MMACHC: variants seen among roughly 807,000 people sequenced by gnomAD.
The protein encoded by MMACHC is cyanocobalamin reductase / alkylcobalamin dealkylase.
Under a neutral mutation model 17.6 loss-of-function variants are expected in MMACHC, and 14 were observed. The ratio of observed to expected loss-of-function variants is 0.80; its 90% CI spans 0.53 to 1.25. The LOEUF (loss-of-function observed/expected upper bound fraction) is 1.25, where lower values mean the gene tolerates loss of function less well. Ranked by LOEUF, MMACHC falls within the 50% of genes most tolerant of loss-of-function variation. The probability of loss-of-function intolerance (pLI) is 0.00; values close to 1 mark genes in which losing one functional copy is unlikely to be tolerated. For synonymous variants in MMACHC, 151 were observed against 142.1 expected, an observed-to-expected ratio of 1.06 and a Z score of -0.45; for missense variants, 392 against 364.5, an observed-to-expected ratio of 1.08 and a Z score of -0.62.
At position 45,508,992 on chromosome 1, in the gene MMACHC, T is replaced by C. The variant is rs376653350; in HGVS notation, c.626T>C (p.Val209Ala). 1 of 1,614,212 alleles carries C rather than the reference T, an allele frequency of 6.2e-7. No homozygotes were observed. Among genetic ancestry groups the C allele is most frequent in the Non-Finnish European group, 8.5e-7 (1 of 1,180,030 alleles). The change falls in exon 4 of 4, where the codon GTG (valine) becomes GCG (alanine). Residue 209 changes from valine to alanine, a missense_variant. By Grantham distance (64) the Val-to-Ala change is moderately conservative. Coordinates refer to ENST00000401061, the MANE Select transcript of MMACHC (RefSeq NM_015506.3). ...HWRDWTYRDAVTPQERYSEEQ... is the reference protein window; with the variant it reads ...HWRDWTYRDAATPQERYSEEQ... ...CGTGATTGGACTTACCGGGATGCTG[T>C]GACACCCCAGGAGCGCTACTCAGAA...
rs1376537850 is a variant in MMACHC at position 45,510,955 on chromosome 1, TCTC to T, written c.*1744_*1746del. The T allele has an allele frequency of 3.1e-5, 5 of 163,822 alleles. No individual in the cohort carries two copies. Among genetic ancestry groups the T allele is most frequent in the Non-Finnish European group, 5.3e-5 (4 of 75,994 alleles). The allele number at this position is 163,822 out of a possible 1,614,324, so 10.1% of individuals were successfully genotyped here. ...TATAATTCCCTGATTTGGAGGCAGC[TCTC>T]CTCATTTTCCCCAAAACAGGGAAAG... On this transcript the variant is annotated 3_prime_UTR_variant, in exon 4 of 4. Coordinates refer to ENST00000401061, the MANE Select transcript of MMACHC (RefSeq NM_015506.3).
chr1:45,511,581 A>G lies in MMACHC; in HGVS notation c.*2366A>G. Reference sequence around the variant, plus strand: ...TTTAGTATGAGCTAACCATTTTACAAACATATAATCATCACCACAGCCTTA... The same window carrying G: ...TTTAGTATGAGCTAACCATTTTACAGACATATAATCATCACCACAGCCTTA... On this transcript the variant is annotated 3_prime_UTR_variant, in exon 4 of 4. Coordinates refer to ENST00000401061, the MANE Select transcript of MMACHC (RefSeq NM_015506.3). The G allele has an allele frequency of 2.2e-6, 1 of 451,134 alleles. No homozygotes were observed. Among genetic ancestry groups the G allele is most frequent in the East Asian group, 3.4e-5 (1 of 29,828 alleles). 27.9% of individuals were successfully genotyped at this position (451,134 alleles called of 1,614,324 possible).
Position 45,508,868 on chromosome 1 carries a change from G to A in MMACHC, c.502G>A (p.Gly168Arg), listed in dbSNP as rs764448435. The change falls in exon 4 of 4, where the codon GGG becomes AGG. Residue 168 changes from glycine (G) to arginine (R), a missense_variant. Gly to Arg is a moderately radical substitution (Grantham distance 125, BLOSUM62 -2). Coordinates refer to ENST00000401061, the MANE Select transcript of MMACHC (RefSeq NM_015506.3). The part of the protein sequence containing the change: ...FAIRGVVLLP[G>R]IEVPDLPPRK... ...CATCCGAGGGGTAGTGCTGCTGCCA[G>A]GGATAGAGGTGCCAGATCTGCCACC... 8 of 1,614,208 alleles carry A rather than the reference G, an allele frequency of 5.0e-6. No homozygotes were observed. Among genetic ancestry groups the A allele is most frequent in the Non-Finnish European group, 5.9e-6 (7 of 1,180,032 alleles).
At position 45,501,341 on chromosome 1, in the gene MMACHC, A is replaced by G. The variant is rs144916382; in HGVS notation, c.81+928A>G. 1.9e-3 allele frequency among the ~76,000 whole-genome samples: 289 copies of G among 152,328 alleles called. 1 individual carries two copies. The highest frequency in any genetic ancestry group is 6.4e-3 in the African/African-American group (268 of 41,570). On this transcript the variant is annotated intron_variant, in intron 1 of 3. Coordinates refer to ENST00000401061, the MANE Select transcript of MMACHC (RefSeq NM_015506.3). ...TTAAGTTACAAAGCTAAATCAGCTC[A>G]GCTTGAGCCCTTTGCCTGATGCTTA...
chr1:45,507,385 A>G lies in MMACHC; in HGVS notation c.111A>G (p.Pro37=). ...CATGGTACAATGAACTCTTGCCTCC[A>G]GCCTTCCACCTACCGCTGCCAGGAC... is the stretch of plus-strand genomic sequence containing the variant. The part of the protein sequence containing the change: ...QVAWYNELLP[P]AFHLPLPGPT... The change falls in exon 2 of 4, where the codon CCA becomes CCG. Residue 37 remains proline (P), a synonymous_variant. Transcript: ENST00000401061. 1 of 1,614,152 alleles carries G rather than the reference A, an allele frequency of 6.2e-7. No homozygotes were observed. Among genetic ancestry groups the G allele is most frequent in the Non-Finnish European group, 8.5e-7 (1 of 1,180,018 alleles).
In MMACHC at chr1:45,509,115, T is replaced by C; in HGVS notation, c.749T>C (p.Leu250Pro). 2.5e-6 allele frequency: 4 copies of C among 1,612,638 alleles called. No individual in the cohort carries two copies. The highest frequency in any genetic ancestry group is 2.5e-6 in the Non-Finnish European group (3 of 1,179,334). The stretch of plus-strand genomic sequence containing the variant: ...AAGCCTAGTTCTCCCTCCCCGGACC[T>C]TCCCTTTACCACACCCGCCCCCAAG... ...SEKPSSPSPD[L>P]PFTTPAPKKP... Residue 250 changes from leucine to proline, a missense_variant, in exon 4 of 4, where the codon CTT (leucine) becomes CCT (proline). Leu to Pro is a moderately conservative substitution (Grantham distance 98). Coordinates refer to ENST00000401061, the MANE Select transcript of MMACHC (RefSeq NM_015506.3).
chr1:45,507,301 C>T, intron 1 of MMACHC, 55 bp from the exon 2 acceptor site: 3 of 1,567,918 alleles, frequency 1.9e-6, no homozygotes, highest in Non-Finnish European at 2.6e-6. Flanking sequence ...AAGGTGTGGG[C>T]CAGGCTGAGG....
In MMACHC at chr1:45,511,942, CAG is replaced by C. The variant is rs1297673692; in HGVS notation, c.*2730_*2731del. On this transcript the variant is annotated 3_prime_UTR_variant, in exon 4 of 4. Coordinates refer to ENST00000401061, the MANE Select transcript of MMACHC (RefSeq NM_015506.3). Reference sequence around the variant, plus strand: ...CATCTACCCCTTGGTAAGCAAAAGGCAGAGTTTGAAATTTTTCATAGATTTAT... The same window carrying C: ...CATCTACCCCTTGGTAAGCAAAAGGCAGTTTGAAATTTTTCATAGATTTAT... 6.6e-6 allele frequency: 1 copy of C among 152,300 alleles called. No individual in the cohort carries two copies. Among genetic ancestry groups the C allele is most frequent in the East Asian group, 1.9e-4 (1 of 5,170 alleles). The allele number at this position is 152,300 out of a possible 1,614,324, so 9.4% of individuals were successfully genotyped here.
Position 45,509,038 on chromosome 1 carries a change from C to T in MMACHC, c.672C>T (p.Ser224=). 6.2e-7 allele frequency: 1 copy of T among 1,614,102 alleles called. No individual in the cohort carries two copies. The highest frequency in any genetic ancestry group is 8.5e-7 in the Non-Finnish European group (1 of 1,179,986). Residue 224 remains serine (S), a synonymous_variant, in exon 4 of 4, where the codon TCC becomes TCT. Coordinates refer to ENST00000401061, the MANE Select transcript of MMACHC (RefSeq NM_015506.3). ...CAGAAGAGCAGAAGGCCTACTTCTC[C>T]ACTCCACCTGCCCAACGATTGGCCC... ...RYSEEQKAYF[S]TPPAQRLALL...
chr1:45,509,966 A>T lies in MMACHC; in HGVS notation c.*751A>T, dbSNP rs537216133. 2 of 151,650 alleles carry T rather than the reference A, an allele frequency of 1.3e-5. No individual in the cohort carries two copies. The highest frequency in any genetic ancestry group is 2.4e-5 in the African/African-American group (1 of 41,250). 9.4% of individuals were successfully genotyped at this position (151,650 alleles called of 1,614,324 possible). On this transcript the variant is annotated 3_prime_UTR_variant, in exon 4 of 4. Transcript: ENST00000401061. ...GTAGCGCAGGCCTGTAGTCCCAGCT[A>T]CTCAGGAGGCTGAGGCAGTAGAATC...
intron 1 of MMACHC, among the ~76,000 whole-genome samples, chr1:45,505,242 A>C (rs1256457090): frequency 2.0e-5 from 3 of 150,732 alleles, no homozygotes; most frequent in Non-Finnish European, 4.4e-5. Flanking sequence ...AGGTCAAGAG[A>C]TCGAGACCAT....
At chr1:45,504,202 G>T (rs1412071942) in intron 1 of MMACHC, among the ~76,000 whole-genome samples, 1 of 152,090 alleles carries the variant, frequency 6.6e-6, no homozygotes, top group South Asian at 2.1e-4. Flanking sequence ...ATCATCTGAG[G>T]TCAGGAGTTC....
intron 1 of MMACHC, among the ~76,000 whole-genome samples, chr1:45,504,361 A>G (rs918257756): frequency 6.6e-6 from 1 of 152,192 alleles, no homozygotes; most frequent in Non-Finnish European, 1.5e-5. Flanking sequence ...GGTTGCAGTG[A>G]GCCAAGATCG....
At chr1:45,504,618 G>A (rs750519251) in intron 1 of MMACHC, among the ~76,000 whole-genome samples, 16 of 152,040 alleles carry the variant, frequency 1.1e-4, no homozygotes, top group Non-Finnish European at 2.4e-4. Flanking sequence ...CCAGCCACTC[G>A]GGAAGCTGAG....
rs1397062260 is a variant in MMACHC at position 45,508,930 on chromosome 1, C to T, written c.564C>T (p.Asp188=). 2 of 1,614,190 alleles carry T rather than the reference C, an allele frequency of 1.2e-6. No individual in the cohort carries two copies. The highest frequency in any genetic ancestry group is 1.7e-6 in the Non-Finnish European group (2 of 1,180,036). The part of the protein sequence containing the change: ...KPHDCVPTRA[D]RIALLEGFNF... The stretch of plus-strand genomic sequence containing the variant: ...ATGACTGTGTACCTACAAGAGCTGA[C>T]CGTATCGCCCTACTCGAAGGCTTCA... The change falls in exon 4 of 4, where the codon GAC becomes GAT. Residue 188 remains aspartate (D), a synonymous_variant. Transcript: ENST00000401061.
Position 45,508,824 on chromosome 1 carries a change from G to T in MMACHC, c.458G>T (p.Arg153Leu). 6.2e-7 allele frequency: 1 copy of T among 1,614,098 alleles called. No individual in the cohort carries two copies. ...QRISGVCIHP[R>L]FGGWFAIRGV... ...ATATCAGGTGTGTGCATACACCCCC[G>T]ATTTGGGGGCTGGTTTGCCATCCGA... The change falls in exon 4 of 4, where the codon CGA becomes CTA. Residue 153 changes from arginine (R) to leucine (L), a missense_variant. Transcript: ENST00000401061.
rs909867537 is a variant in MMACHC, at chr1:45,508,434, C to T, written c.429+70C>T. 4.3e-5 allele frequency: 67 copies of T among 1,547,452 alleles called. No individual in the cohort carries two copies. In the Middle Eastern group the frequency reaches 9.4e-4, roughly 22 times the overall value. On this transcript the variant is annotated intron_variant, in intron 3 of 3. Transcript: ENST00000401061. The stretch of plus-strand genomic sequence containing the variant: ...GCCTCTCCCTACCAGGTCCCACATT[C>T]CTCAGCCTTCCCTGGATGGATGTGA...
chr1:45,508,416 C>T, intron 3 of MMACHC, 52 bp downstream of exon 3: 1 of 1,587,452 alleles, frequency 6.3e-7, no homozygotes, highest in Non-Finnish European at 8.6e-7. Flanking sequence ...AAGGCCTCTC[C>T]CTACCAGGTC....
In MMACHC at chr1:45,508,799, A is replaced by AT. The variant is rs768978351; in HGVS notation, c.434dup (p.Ser146IlefsTer36). 3 of 1,613,700 alleles carry AT rather than the reference A, an allele frequency of 1.9e-6. No individual in the cohort carries two copies. In the African/African-American group the frequency reaches 4.0e-5, roughly 22 times the overall value. ...CTTTTCTTCACCCTCTCCCCAGCGC[A>AT]TATCAGGTGTGTGCATACACCCCCG... is the stretch of plus-strand genomic sequence containing the variant. On this transcript the variant is annotated frameshift_variant, in exon 4 of 4. Transcript: ENST00000401061. LOFTEE classifies it low-confidence loss of function (END_TRUNC).
Sources: gnomAD v4.1 joint callset for allele counts (sites outside exome capture counted in the v4.1 genomes callset) on GRCh38, gnomAD v4.1.1 for gene constraint, MANE v1.5 for transcripts, NCBI Gene and HGNC (gene_info 2026-07-23, HGNC 2026-07-21) for gene names.